L3MBTL4: variants seen among roughly 807,000 people sequenced by gnomAD.
L3MBTL4 encodes the protein L3MBTL histone methyl-lysine binding protein 4, also known as lethal(3)malignant brain tumor-like protein 4.
L3MBTL4 carries 70 observed loss-of-function variants against 84.5 expected under a neutral mutation model. That is an observed-to-expected ratio of 0.83 (90% CI 0.68 to 1.01). L3MBTL4 has a LOEUF of 1.01. Ranked by LOEUF, L3MBTL4 falls within the 50% of genes least tolerant of loss-of-function variation. L3MBTL4 has a pLI of 0.00. For missense variants in L3MBTL4, 715 were observed against 754.8 expected, an observed-to-expected ratio of 0.95 and a Z score of 0.62; for synonymous variants, 274 against 259.8, an observed-to-expected ratio of 1.05 and a Z score of -0.52.
intron 10 of L3MBTL4, among the ~76,000 whole-genome samples, chr18:6,234,196 C>T (rs1039757312): frequency 1.3e-5 from 2 of 152,088 alleles, no homozygotes; most frequent in Admixed American, 6.5e-5. Context: ...CATGTTAGAC[C>T]TAAAACCATA....
At chr18:6,275,568 T>G (rs994931488) in intron 4 of L3MBTL4, among the ~76,000 whole-genome samples, 7 of 152,094 alleles carry the variant, frequency 4.6e-5, no homozygotes, top group African/African-American at 7.2e-5. Flanking sequence ...GGCCTGCAGG[T>G]AAGCAGGAGA....
intron 14 of L3MBTL4, among the ~76,000 whole-genome samples, chr18:6,136,144 A>G (rs1353434128): frequency 2.0e-5 from 3 of 152,200 alleles, no homozygotes; most frequent in Non-Finnish European, 4.4e-5. Context: ...ACTGGGCCCC[A>G]TGATTCAATT....
At chr18:6,320,850 A>G (rs906861281) in intron 1 of L3MBTL4, among the ~76,000 whole-genome samples, 1 of 152,194 alleles carries the variant, frequency 6.6e-6, no homozygotes, top group African/African-American at 2.4e-5. Context: ...TTATACCAAA[A>G]GGCTATAGTT....
chr18:6,402,721 T>C (rs934995263), intron 1 of L3MBTL4, among the ~76,000 whole-genome samples: 21 of 152,148 alleles, frequency 1.4e-4, no homozygotes, highest in Non-Finnish European at 1.8e-4. Context: ...AGAATATCCA[T>C]TCATATTTTC....
chr18:6,129,988 T>C (rs1308764259), intron 14 of L3MBTL4, among the ~76,000 whole-genome samples: 1 of 152,228 alleles, frequency 6.6e-6, no homozygotes, highest in Non-Finnish European at 1.5e-5. Flanking sequence ...AGTCTCCTTA[T>C]ATTATTTTAT....
At chr18:6,019,332 T>G (rs371097239) in intron 16 of L3MBTL4, among the ~76,000 whole-genome samples, 3 of 152,332 alleles carry the variant, frequency 2.0e-5, no homozygotes, top group African/African-American at 7.2e-5. Context: ...AGACTTTTTG[T>G]GTAAGGACTG....
At chr18:6,120,858 C>G (rs896341213) in intron 14 of L3MBTL4, among the ~76,000 whole-genome samples, 6 of 152,196 alleles carry the variant, frequency 3.9e-5, no homozygotes, top group African/African-American at 1.4e-4. Context: ...CACAATTTAT[C>G]TATGCACTGT....
chr18:5,974,408 G>A (rs138201734), intron 16 of L3MBTL4, among the ~76,000 whole-genome samples: 1 of 138,268 alleles, frequency 7.2e-6, no homozygotes, highest in African/African-American at 2.9e-5. Flanking sequence ...AAAAGTCATT[G>A]CTTGCCCTTC....
intron 16 of L3MBTL4, chr18:6,031,620 T>C (rs946434905): frequency 3.8e-5 from 36 of 944,936 alleles, no homozygotes; most frequent in Non-Finnish European, 4.2e-5. Flanking sequence ...AGAGAGGACA[T>C]GGCCTTGGCT....
intron 18 of L3MBTL4, among the ~76,000 whole-genome samples, chr18:5,958,106 G>GAAGAAGAAGAAGAAA (rs2095240845): frequency 8.1e-4 from 74 of 91,496 alleles, no homozygotes; most frequent in Admixed American, 1.3e-3. Context: ...AGAAGAAGAA[G>GAAGAAGAAGAAGAAA]AAGAAGAAGA....
intron 12 of L3MBTL4, among the ~76,000 whole-genome samples, chr18:6,172,912 A>G (rs2044045148): frequency 6.6e-6 from 1 of 152,218 alleles, no homozygotes; most frequent in Non-Finnish European, 1.5e-5. Flanking sequence ...CTATATATTC[A>G]GTCCCAAATA....
intron 16 of L3MBTL4, among the ~76,000 whole-genome samples, chr18:6,072,749 G>A (rs1418419289): frequency 1.4e-5 from 2 of 147,612 alleles, no homozygotes; most frequent in East Asian, 2.0e-4. Context: ...CCAGCTACTC[G>A]GGAGGCTGAA....
chr18:6,134,351 C>G (rs748185055), intron 14 of L3MBTL4, among the ~76,000 whole-genome samples: 1 of 152,156 alleles, frequency 6.6e-6, no homozygotes, highest in East Asian at 1.9e-4. Flanking sequence ...CCCTCCAAAT[C>G]TCAGGTCCTC....
intron 1 of L3MBTL4, among the ~76,000 whole-genome samples, chr18:6,330,546 A>G (rs1041034422): frequency 3.9e-5 from 6 of 152,226 alleles, no homozygotes; most frequent in Non-Finnish European, 7.3e-5. Flanking sequence ...CTATGCAATT[A>G]CATGGGTCCG....
In L3MBTL4 at chr18:6,239,702, C is replaced by A; in HGVS notation, c.707+16G>T. ...CATATGAATACACAAAAATAAAACA[C>A]ACATTCATATCTCACCAGTAATCGT... On this transcript the variant is annotated intron_variant, in intron 9 of 18. Coordinates refer to ENST00000317931, the MANE Select transcript of L3MBTL4 (RefSeq NM_001330559.2). The A allele has an allele frequency of 1.4e-5, 23 of 1,609,334 alleles. No individual in the cohort carries two copies. Among genetic ancestry groups the A allele is most frequent in the Non-Finnish European group, 1.6e-5 (19 of 1,178,104 alleles).
chr18:6,042,522 C>T (rs1338434621), intron 16 of L3MBTL4, among the ~76,000 whole-genome samples: 1 of 152,180 alleles, frequency 6.6e-6, no homozygotes, highest in East Asian at 1.9e-4. Context: ...CAGCTTTCAC[C>T]AGTGTCCCCA....
chr18:6,341,661 AG>A (rs1568521645), intron 1 of L3MBTL4, among the ~76,000 whole-genome samples: 1 of 152,094 alleles, frequency 6.6e-6, no homozygotes, highest in African/African-American at 2.4e-5. Context: ...GAACAAACAT[AG>A]AAATTATAGG....
intron 13 of L3MBTL4, among the ~76,000 whole-genome samples, chr18:6,139,021 G>A (rs1406908708): frequency 6.6e-6 from 1 of 152,078 alleles, no homozygotes; most frequent in Non-Finnish European, 1.5e-5. Context: ...CCAGCAAATG[G>A]GGCGTGCTGA....
intron 1 of L3MBTL4, among the ~76,000 whole-genome samples, chr18:6,314,680 C>T (rs2051004440): frequency 6.6e-6 from 1 of 152,120 alleles, no homozygotes; most frequent in Non-Finnish European, 1.5e-5. Context: ...TGCATGTTGC[C>T]AAATACTAAG....
Sources: gnomAD v4.1 joint callset for allele counts (sites outside exome capture counted in the v4.1 genomes callset) on GRCh38, gnomAD v4.1.1 for gene constraint, MANE v1.5 for transcripts, NCBI Gene and HGNC (gene_info 2026-07-23, HGNC 2026-07-21) for gene names.